Variants in DNAAF4 observed in about 807,000 individuals in gnomAD.
DNAAF4 encodes dynein axonemal assembly factor 4.
DNAAF4 carries 43 observed loss-of-function variants against 51.8 expected under a neutral mutation model. That is an observed-to-expected ratio of 0.83 (90% CI 0.65 to 1.07). The LOEUF (loss-of-function observed/expected upper bound fraction) is 1.07. Among genes scored for constraint, DNAAF4 ranks in the 50% least tolerant of loss-of-function variants. DNAAF4 has a pLI of 0.00. For missense variants in DNAAF4, 581 were observed against 493.0 expected, an observed-to-expected ratio of 1.18 and a Z score of -1.69; for synonymous variants, 194 against 165.6, an observed-to-expected ratio of 1.17 and a Z score of -1.32.
intron 6 of DNAAF4, among the ~76,000 whole-genome samples, chr15:55,442,261 G>C (rs1448081154): frequency 6.6e-6 from 1 of 152,052 alleles, no homozygotes; most frequent in East Asian, 1.9e-4. Context: ...TGGGACTACA[G>C]GCACACGCCA....
exon 8 of DNAAF4, chr15:55,418,083 T>C (rs2057352638): frequency 1.3e-6 from 2 of 1,570,480 alleles, no homozygotes; most frequent in Non-Finnish European, 1.7e-6. Flanking sequence ...TATGATGGCT[T>C]AGCTTGGGCT....
chr15:55,417,975 A>T (rs2057351543), exon 8 of DNAAF4: 1 of 663,922 alleles, frequency 1.5e-6, no homozygotes. Flanking sequence ...TCACAAGGTA[A>T]TGTCATCAGT....
At chr15:55,441,289 C>T (rs2057708062) in intron 6 of DNAAF4, among the ~76,000 whole-genome samples, 1 of 151,510 alleles carries the variant, frequency 6.6e-6, no homozygotes, top group African/African-American at 2.4e-5. Flanking sequence ...CCAGGCTGGT[C>T]TCGAACTCCC....
At chr15:55,439,973 TAAGA>T (rs2057681701) in intron 6 of DNAAF4, among the ~76,000 whole-genome samples, 1 of 152,156 alleles carries the variant, frequency 6.6e-6, no homozygotes, top group Non-Finnish European at 1.5e-5. Context: ...TCCAGAACTA[TAAGA>T]AATGACTGTT....
chr15:55,465,448 A>T (rs1028484068), intron 5 of DNAAF4, among the ~76,000 whole-genome samples: 4 of 151,734 alleles, frequency 2.6e-5, no homozygotes, highest in Non-Finnish European at 4.4e-5. Flanking sequence ...ATGGAATGCT[A>T]CTCAGCCATA....
chr15:55,463,170 TCTCACACACACACA>T (rs2058118349), intron 5 of DNAAF4, among the ~76,000 whole-genome samples: 1 of 119,962 alleles, frequency 8.3e-6, no homozygotes, highest in African/African-American at 2.9e-5. Flanking sequence ...TGAGACTCTG[TCTCACACACACACA>T]CACACACACA....
intron 3 of DNAAF4, among the ~76,000 whole-genome samples, chr15:55,492,153 G>A (rs767240820): frequency 1.3e-5 from 2 of 151,964 alleles, no homozygotes; most frequent in Non-Finnish European, 2.9e-5. Context: ...CACCACGCAA[G>A]ATCTCACAGT....
intron 4 of DNAAF4, among the ~76,000 whole-genome samples, chr15:55,487,514 G>A (rs578216735): frequency 3.9e-5 from 6 of 152,312 alleles, no homozygotes; most frequent in Non-Finnish European, 7.4e-5. Context: ...CTTCCATGCT[G>A]TGGAAGCTTT....
intron 6 of DNAAF4, among the ~76,000 whole-genome samples, chr15:55,447,476 T>C (rs2057851923): frequency 6.6e-6 from 1 of 150,600 alleles, no homozygotes; most frequent in Admixed American, 6.6e-5. Flanking sequence ...TGCACTCCAG[T>C]CTGGGCAACA....
intron 5 of DNAAF4, among the ~76,000 whole-genome samples, chr15:55,463,704 C>CA (rs1310178849): frequency 2.0e-5 from 3 of 151,930 alleles, no homozygotes; most frequent in East Asian, 1.9e-4. Context: ...CAAAAAAACC[C>CA]AAAAAACAAA....
In DNAAF4 at chr15:55,450,294, A is replaced by G; in HGVS notation, c.711T>C (p.Ser237=). The change falls in exon 6 of 10, where the codon AGT becomes AGC. Residue 237 remains serine, a synonymous_variant. Transcript: ENST00000321149. The part of the protein sequence containing the change: ...DSIPAPRSVG[S]IKINFTPRVF... The stretch of plus-strand genomic sequence containing the variant: ...CTCGAGGGGTAAAGTTGATTTTAAT[A>G]CTGCCAACAGAGCGAGGAGCAGGAA... The G allele has an allele frequency of 1.9e-6, 3 of 1,614,068 alleles. No homozygotes were observed. The highest frequency in any genetic ancestry group is 2.5e-6 in the Non-Finnish European group (3 of 1,180,012).
At chr15:55,437,945 A>G (rs61008792) in intron 7 of DNAAF4, among the ~76,000 whole-genome samples, 35,797 of 152,164 alleles carry the variant, frequency 0.24, 5,330 homozygotes, top group Non-Finnish European at 0.34. Flanking sequence ...TATAGAAGTA[A>G]TAAGTAATAG....
chr15:55,474,334 G>A (rs2058307253), intron 4 of DNAAF4, among the ~76,000 whole-genome samples: 1 of 152,138 alleles, frequency 6.6e-6, no homozygotes, highest in Non-Finnish European at 1.5e-5. Context: ...AGGAGTTCAA[G>A]ATCAGCCTGG....
chr15:55,428,458 TA>T (rs1225208573), downstream of DNAAF4, among the ~76,000 whole-genome samples: 2 of 149,952 alleles, frequency 1.3e-5, no homozygotes, highest in Non-Finnish European at 3.0e-5. Context: ...TCAGTTAAGT[TA>T]AATCTCTCTC....
intron 4 of DNAAF4, among the ~76,000 whole-genome samples, chr15:55,479,555 G>C (rs1172145511): frequency 6.6e-6 from 1 of 151,952 alleles, no homozygotes; most frequent in Non-Finnish European, 1.5e-5. Context: ...TAAGGAACAA[G>C]GGAAGACAAC....
At position 55,439,575 on chromosome 15, in the gene DNAAF4, G is replaced by A. The variant is rs148471837; in HGVS notation, c.790C>T (p.His264Tyr). ...GCTCTTCGTGCCTCAGCTTGTTTGT[G>A]TAGCCACTAGAATGAGAAAGAAGTC... Reference protein sequence around the residue: ...SQVAEEEEWLHKQAEARRAMN... With the variant: ...SQVAEEEEWLYKQAEARRAMN... Residue 264 changes from histidine (H) to tyrosine (Y), a missense_variant, in exon 7 of 10, where the codon CAC becomes TAC. Transcript: ENST00000321149. 2.5e-6 allele frequency: 4 copies of A among 1,613,122 alleles called. No homozygotes were observed. Among genetic ancestry groups the A allele is most frequent in the Non-Finnish European group, 3.4e-6 (4 of 1,179,696 alleles).
intron 7 of DNAAF4, among the ~76,000 whole-genome samples, chr15:55,435,747 C>T (rs905546605): frequency 2.6e-5 from 4 of 152,094 alleles, no homozygotes; most frequent in Admixed American, 6.6e-5. Flanking sequence ...GAGATGTACA[C>T]GATTAAAGGA....
At chr15:55,459,983 T>A (rs948480141) in intron 5 of DNAAF4, among the ~76,000 whole-genome samples, 3 of 151,842 alleles carry the variant, frequency 2.0e-5, no homozygotes, top group Non-Finnish European at 4.4e-5. Context: ...ATTACAGGCG[T>A]GAGCCACTGC....
chr15:55,430,746 T>G lies in DNAAF4; in HGVS notation c.1187A>C (p.Asp396Ala), dbSNP rs1484209543. 6.2e-7 allele frequency: 1 copy of G among 1,613,432 alleles called. No individual in the cohort carries two copies. Among genetic ancestry groups the G allele is most frequent in the East Asian group, 2.2e-5 (1 of 44,758 alleles). Residue 396 changes from aspartate to alanine, a missense_variant, in exon 10 of 10, where the codon GAT becomes GCT. By Grantham distance (126) the Asp-to-Ala change is moderately radical. Transcript: ENST00000321149. ...AATTTGTACAATTTTGTTGGATGGATCAATCTTAAGTGCCGCTTCATAATC... is the reference window on the plus strand; with the variant it reads ...AATTTGTACAATTTTGTTGGATGGAGCAATCTTAAGTGCCGCTTCATAATC... ...LQDYEAALKI[D>A]PSNKIVQIDA...
Sources: gnomAD v4.1 joint callset for allele counts (sites outside exome capture counted in the v4.1 genomes callset) on GRCh38, gnomAD v4.1.1 for gene constraint, MANE v1.5 for transcripts, NCBI Gene and HGNC (gene_info 2026-07-23, HGNC 2026-07-21) for gene names.